Variants in ADAMTS20 observed in about 807,000 individuals in gnomAD.
The protein encoded by ADAMTS20 is A disintegrin and metalloproteinase with thrombospondin motifs 20.
A neutral mutation model predicts 260.1 loss-of-function variants in ADAMTS20; 225 were observed. The ratio of observed to expected loss-of-function variants is 0.87; its 90% CI spans 0.78 to 0.97. The LOEUF (loss-of-function observed/expected upper bound fraction) is 0.97. Ranked by LOEUF, ADAMTS20 falls within the 50% of genes least tolerant of loss-of-function variation. The probability of loss-of-function intolerance (pLI) is 0.00; values close to 1 mark genes in which losing one functional copy is unlikely to be tolerated. For missense variants in ADAMTS20, 2,400 were observed against 2,337.7 expected (o/e 1.03, Z -0.55); for synonymous variants, 802 against 769.5 (o/e 1.04, Z -0.70).
intron 10 of ADAMTS20, 126 bp downstream of exon 10, chr12:43,464,465 G>T: frequency 1.7e-6 from 2 of 1,205,218 alleles, no homozygotes; most frequent in Admixed American, 2.7e-5. Flanking sequence ...ACCTCTTTTT[G>T]ATAAATACTA....
At chr12:43,520,210 A>C (rs757432769) in intron 3 of ADAMTS20, among the ~76,000 whole-genome samples, 8 of 152,204 alleles carry the variant, frequency 5.3e-5, no homozygotes, top group Non-Finnish European at 1.2e-4. Flanking sequence ...TCACTGGTAC[A>C]TCCAAGAAAA....
chr12:43,379,388 C>T (rs991654263), intron 31 of ADAMTS20, among the ~76,000 whole-genome samples: 6 of 151,966 alleles, frequency 3.9e-5, no homozygotes, highest in African/African-American at 7.3e-5. Context: ...TCTAGATGGC[C>T]GTGAACATGC....
At position 43,536,239 on chromosome 12, in the gene ADAMTS20, G is replaced by A. The variant is rs114514355; in HGVS notation, c.454-4044C>T. 3.9e-3 allele frequency among the ~76,000 whole-genome samples: 601 copies of A among 152,154 alleles called. 5 individuals are homozygous for A. The highest frequency in any genetic ancestry group is 0.013 in the African/African-American group (552 of 41,514). On this transcript the variant is annotated intron_variant, in intron 2 of 38. Coordinates refer to ENST00000389420, the MANE Select transcript of ADAMTS20 (RefSeq NM_025003.5). ...CCAAGGCTCATACCTAGTAAGTGGC[G>A]GTATCAAGATATGAACCCAAATACT...
chr12:43,404,245 T>G (rs1157836902), intron 28 of ADAMTS20, among the ~76,000 whole-genome samples: 1 of 151,042 alleles, frequency 6.6e-6, no homozygotes, highest in Non-Finnish European at 1.5e-5. Context: ...GAATCACTCA[T>G]TTTTAATTTA....
rs537487423 is a variant in ADAMTS20 at position 43,550,362 on chromosome 12, G to A, written c.453+547C>T. Among the ~76,000 whole-genome samples, 24 of 152,284 alleles carry A rather than the reference G, an allele frequency of 1.6e-4. 1 individual carries two copies. Among genetic ancestry groups the A allele is most frequent in the Admixed American group, 1.5e-3 (23 of 15,296 alleles). ...TAGGTAGACTGTTTTCAAGTATGAT[G>A]CATTTTAAACAGATTCAACCTCTTC... On this transcript the variant is annotated intron_variant, in intron 2 of 38. Transcript: ENST00000389420.
rs1293951577 is a variant in ADAMTS20, at chr12:43,525,153, G to A, written c.613+6883C>T. ...ACAAAAGCATCTGGGAACCTATAAA[G>A]GAAATCCTATCAGACTAACAGTAGA... On this transcript the variant is annotated intron_variant, in intron 3 of 38. Transcript: ENST00000389420. Among the ~76,000 whole-genome samples the A allele has an allele frequency of 2.0e-5, 3 of 152,166 alleles. No homozygotes were observed. In the East Asian group the frequency reaches 5.8e-4, roughly 29 times the overall value.
chr12:43,374,351 C>T (rs887160218), intron 36 of ADAMTS20, among the ~76,000 whole-genome samples: 3 of 152,042 alleles, frequency 2.0e-5, no homozygotes, highest in African/African-American at 4.8e-5. Context: ...ATGCTAGGCA[C>T]TGATGATTCA....
intron 28 of ADAMTS20, among the ~76,000 whole-genome samples, chr12:43,406,803 G>A (rs771508168): frequency 1.3e-5 from 2 of 151,924 alleles, no homozygotes; most frequent in African/African-American, 4.8e-5. Flanking sequence ...TAAACTGAGC[G>A]TCTCAATTAT....
intron 2 of ADAMTS20, among the ~76,000 whole-genome samples, chr12:43,541,295 T>C (rs1036476339): frequency 5.9e-5 from 9 of 152,188 alleles, no homozygotes; most frequent in African/African-American, 2.2e-4. Flanking sequence ...TCATAGACTC[T>C]TATGTAAATT....
intron 3 of ADAMTS20, among the ~76,000 whole-genome samples, chr12:43,524,491 A>G (rs1943114336): frequency 2.0e-5 from 3 of 152,142 alleles, no homozygotes; most frequent in Admixed American, 2.0e-4. Flanking sequence ...CGGTCCAGCA[A>G]TGGATCCAGA....
intron 2 of ADAMTS20, among the ~76,000 whole-genome samples, chr12:43,541,628 A>G (rs1943377860): frequency 6.6e-6 from 1 of 152,218 alleles, no homozygotes; most frequent in Non-Finnish European, 1.5e-5. Context: ...GTTTCTCCTT[A>G]TAACACCATT....
rs1941370397 is a variant in ADAMTS20 at position 43,428,271 on chromosome 12, T to G, written c.3915A>C (p.Gly1305=). 2 of 1,613,866 alleles carry G rather than the reference T, an allele frequency of 1.2e-6. No individual in the cohort carries two copies. The highest frequency in any genetic ancestry group is 1.7e-5 in the Admixed American group (1 of 59,996). The part of the protein sequence containing the change: ...ENQVVHPSVR[G]NQWRTGPWGS... Reference sequence around the variant, plus strand: ...CCCATGGTCCGGTTCTCCACTGGTTTCCTCTGACTGATGGATGGACCACCT... The same window carrying G: ...CCCATGGTCCGGTTCTCCACTGGTTGCCTCTGACTGATGGATGGACCACCT... The change falls in exon 26 of 39, where the codon GGA becomes GGC. Residue 1305 remains glycine (G), a synonymous_variant. Transcript: ENST00000389420.
chr12:43,498,727 A>G (rs193210646), intron 4 of ADAMTS20, among the ~76,000 whole-genome samples: 14 of 152,300 alleles, frequency 9.2e-5, no homozygotes, highest in Admixed American at 7.2e-4. Context: ...ACAAGTAACA[A>G]TAAAACAAGT....
intron 37 of ADAMTS20, among the ~76,000 whole-genome samples, chr12:43,358,836 C>CAA (rs151206551): frequency 0.043 from 2,629 of 60,858 alleles, 70 homozygotes; most frequent in East Asian, 0.13. Context: ...AACTCCGTCT[C>CAA]AAAAAAAAAA....
intron 7 of ADAMTS20, among the ~76,000 whole-genome samples, chr12:43,479,684 G>A (rs1390805853): frequency 1.3e-5 from 2 of 151,914 alleles, no homozygotes; most frequent in African/African-American, 2.4e-5. Flanking sequence ...ACACAAAAAA[G>A]TGATACCTTA....
rs749765568 is a variant in ADAMTS20, at chr12:43,399,163, A to G, written c.4355T>C (p.Leu1452Ser). 2 of 1,572,060 alleles carry G rather than the reference A, an allele frequency of 1.3e-6. No individual in the cohort carries two copies. Among genetic ancestry groups the G allele is most frequent in the Admixed American group, 1.9e-5 (1 of 53,648 alleles). Residue 1452 changes from leucine (L) to serine (S), a missense_variant, in exon 29 of 39, where the codon TTA becomes TCA. Leu to Ser is a moderately radical substitution (Grantham distance 145, BLOSUM62 -2). Transcript: ENST00000389420. ...VFCIDQFQRK[L>S]EDTNCSQVQK... Reference sequence around the variant, plus strand: ...TACTTGACTGCAATTTGTGTCTTCTAATTTCCTTTGGAATTGGTCAATGCA... The same window carrying G: ...TACTTGACTGCAATTTGTGTCTTCTGATTTCCTTTGGAATTGGTCAATGCA...
chr12:43,400,627 G>A (rs1182946268), intron 28 of ADAMTS20, among the ~76,000 whole-genome samples: 3 of 151,158 alleles, frequency 2.0e-5, no homozygotes, highest in Non-Finnish European at 4.4e-5. Flanking sequence ...ATGCTTTACC[G>A]TTCCTGACCA....
intron 3 of ADAMTS20, among the ~76,000 whole-genome samples, chr12:43,520,069 C>G (rs1350207921): frequency 1.3e-5 from 2 of 151,946 alleles, no homozygotes; most frequent in South Asian, 2.1e-4. Context: ...TTGCTAATAC[C>G]TCAGTTAAAA....
intron 31 of ADAMTS20, among the ~76,000 whole-genome samples, chr12:43,382,419 G>A (rs997356102): frequency 1.3e-5 from 2 of 152,148 alleles, no homozygotes; most frequent in African/African-American, 2.4e-5. Flanking sequence ...TATACCAAAT[G>A]TGCAGAACAG....
Sources: gnomAD v4.1 joint callset for allele counts (sites outside exome capture counted in the v4.1 genomes callset) on GRCh38, gnomAD v4.1.1 for gene constraint, MANE v1.5 for transcripts, NCBI Gene and HGNC (gene_info 2026-07-23, HGNC 2026-07-21) for gene names.